The following ZFPM1 variants were observed in gnomAD, a reference collection of about 807,000 sequenced individuals.
ZFPM1 encodes the protein zinc finger protein ZFPM1.
ZFPM1 carries 28 observed loss-of-function variants against 46.3 expected under a neutral mutation model. That is an observed-to-expected ratio of 0.60 (90% CI 0.45 to 0.83). The LOEUF (loss-of-function observed/expected upper bound fraction) is 0.83, where lower values mean the gene tolerates loss of function less well. Ranked by LOEUF, ZFPM1 falls within the 40% of genes least tolerant of loss-of-function variation. The pLI is 0.00. For missense variants in ZFPM1, 1,878 were observed against 1,432.4 expected, an observed-to-expected ratio of 1.31 and a Z score of -5.02; for synonymous variants, 957 against 675.9, an observed-to-expected ratio of 1.42 and a Z score of -6.45.
chr16:88,462,542 G>T (rs888841551), intron 1 of ZFPM1, among the ~76,000 whole-genome samples: 5 of 152,214 alleles, frequency 3.3e-5, no homozygotes, highest in Non-Finnish European at 7.3e-5. Context: ...CCTAGGACCT[G>T]CATGGCTGCC....
Position 88,534,067 on chromosome 16 carries a change from G to T in ZFPM1, c.2109G>T (p.Arg703=). The T allele has an allele frequency of 7.9e-7, 1 of 1,263,726 alleles. No individual in the cohort carries two copies. The highest frequency in any genetic ancestry group is 1.3e-5 in the South Asian group (1 of 74,606). 78.3% of individuals were successfully genotyped at this position (1,263,726 alleles called of 1,614,324 possible). The change falls in exon 10 of 10, where the codon CGG becomes CGT. Residue 703 remains arginine, a synonymous_variant. Coordinates refer to ENST00000319555, the MANE Select transcript of ZFPM1 (RefSeq NM_153813.3). ...SRHETYTVHK[R]YYCASRHDPP... is the part of the protein sequence containing the mutation. ...ACGAGACCTACACCGTGCACAAGCG[G>T]TACTACTGCGCCTCGCGCCACGACC...
intron 2 of ZFPM1, among the ~76,000 whole-genome samples, chr16:88,486,784 G>C (rs1367885538): frequency 6.7e-6 from 1 of 149,650 alleles, no homozygotes; most frequent in Non-Finnish European, 1.5e-5. Context: ...GCAAGTGGGT[G>C]CTGGGTGCAC....
At position 88,524,992 on chromosome 16, in the gene ZFPM1, C is replaced by T. The variant is rs1240868411; in HGVS notation, c.403-1822C>T. 3.3e-5 allele frequency among the ~76,000 whole-genome samples: 5 copies of T among 152,364 alleles called. No homozygotes were observed. In the South Asian group the frequency reaches 8.3e-4, roughly 25 times the overall value. On this transcript the variant is annotated intron_variant, in intron 4 of 9. Coordinates refer to ENST00000319555, the MANE Select transcript of ZFPM1 (RefSeq NM_153813.3). Reference sequence around the variant, plus strand: ...CTGCTCACCCGTTCTGTGGCTGAGCCGTGTGGTAGCAGGCAGGTGACGTGG... The same window carrying T: ...CTGCTCACCCGTTCTGTGGCTGAGCTGTGTGGTAGCAGGCAGGTGACGTGG...
chr16:88,455,713 C>G (rs1043334248), intron 1 of ZFPM1, among the ~76,000 whole-genome samples: 3 of 152,160 alleles, frequency 2.0e-5, no homozygotes, highest in Non-Finnish European at 4.4e-5. Flanking sequence ...AGATGTGCCG[C>G]GCTGATAAGG....
Position 88,534,715 on chromosome 16 carries a change from C to T in ZFPM1, c.2757C>T (p.Asp919=), listed in dbSNP as rs1163535092. 3.0e-5 allele frequency: 29 copies of T among 981,646 alleles called. No individual in the cohort carries two copies. Among genetic ancestry groups the T allele is most frequent in the African/African-American group, 5.3e-5 (3 of 56,332 alleles). 60.8% of individuals were successfully genotyped at this position (981,646 alleles called of 1,614,324 possible). Residue 919 remains aspartate, a synonymous_variant, in exon 10 of 10, where the codon GAC becomes GAT. Transcript: ENST00000319555. ...AGCCCGGGTCCCGTGGCCCCCGGGACGGCCTCGGCCCGGAGCCCCAGGAGC... is the reference window on the plus strand; with the variant it reads ...AGCCCGGGTCCCGTGGCCCCCGGGATGGCCTCGGCCCGGAGCCCCAGGAGC... ...SPQPGSRGPR[D]GLGPEPQEPP...
chr16:88,454,200 G>A lies in ZFPM1; in HGVS notation c.40+522G>A, dbSNP rs1907430556. On this transcript the variant is annotated intron_variant, in intron 1 of 9. Transcript: ENST00000319555. ...ACACCCGGGGCCGCGGAGATGCCTGGCCAAGTGGCAGGCACCGGCCCGCGC... is the reference window on the plus strand; with the variant it reads ...ACACCCGGGGCCGCGGAGATGCCTGACCAAGTGGCAGGCACCGGCCCGCGC... 2.0e-5 allele frequency among the ~76,000 whole-genome samples: 3 copies of A among 152,044 alleles called. No homozygotes were observed. The South Asian group carries it at 6.2e-4, about 32-fold the overall frequency.
chr16:88,475,540 G>T, intron 1 of ZFPM1, among the ~76,000 whole-genome samples: 1 of 151,838 alleles, frequency 6.6e-6, no homozygotes, highest in South Asian at 2.1e-4. Flanking sequence ...CCAAGAAAAA[G>T]GGAGGAGGAG....
chr16:88,534,705 G>A lies in ZFPM1; in HGVS notation c.2747G>A (p.Gly916Asp). The change falls in exon 10 of 10, where the codon GGC becomes GAC. Residue 916 changes from glycine to aspartate, a missense_variant. Coordinates refer to ENST00000319555, the MANE Select transcript of ZFPM1 (RefSeq NM_153813.3). ...PAASPQPGSR[G>D]PRDGLGPEPQ... is the part of the protein sequence containing the mutation. ...GCCTCCCCGCAGCCCGGGTCCCGTG[G>A]CCCCCGGGACGGCCTCGGCCCGGAG... The A allele has an allele frequency of 3.0e-6, 3 of 983,680 alleles. No individual in the cohort carries two copies. The highest frequency in any genetic ancestry group is 3.6e-6 in the Non-Finnish European group (3 of 830,068). 60.9% of individuals were successfully genotyped at this position (983,680 alleles called of 1,614,324 possible).
intron 2 of ZFPM1, among the ~76,000 whole-genome samples, chr16:88,487,115 C>T (rs1303853854): frequency 6.6e-6 from 1 of 152,194 alleles, no homozygotes; most frequent in East Asian, 1.9e-4. Flanking sequence ...GTTAACCTGC[C>T]ATAAGGAGGC....
intron 4 of ZFPM1, 28 bp downstream of exon 4, chr16:88,514,548 C>A: frequency 1.3e-6 from 2 of 1,540,750 alleles, no homozygotes; most frequent in African/African-American, 2.7e-5. Context: ...CCGCCCCTGC[C>A]CGCCCACCCC....
intron 4 of ZFPM1, among the ~76,000 whole-genome samples, chr16:88,519,975 T>A (rs1597273719): frequency 7.7e-6 from 1 of 129,766 alleles, no homozygotes. Flanking sequence ...GGATGGATAG[T>A]GGGTAGGTGG....
intron 1 of ZFPM1, among the ~76,000 whole-genome samples, chr16:88,461,230 G>T (rs1301534809): frequency 7.5e-6 from 1 of 133,090 alleles, no homozygotes. Flanking sequence ...GCCTGGTGAG[G>T]ACCCAGGGGT....
chr16:88,532,972 G>T (rs751038582), intron 9 of ZFPM1, 37 bp downstream of exon 9: 9 of 1,610,264 alleles, frequency 5.6e-6, no homozygotes, highest in African/African-American at 1.3e-5. Context: ...TGCCCCTTAG[G>T]CCCCCTGAGC....
chr16:88,486,466 G>T (rs1476433521), intron 2 of ZFPM1, among the ~76,000 whole-genome samples: 1 of 152,154 alleles, frequency 6.6e-6, no homozygotes, highest in Non-Finnish European at 1.5e-5. Flanking sequence ...GTGGGTGCTG[G>T]GTGCAAGTGG....
chr16:88,502,615 C>T (rs12447698), intron 3 of ZFPM1, among the ~76,000 whole-genome samples: 14,367 of 152,226 alleles, frequency 0.094, 1,029 homozygotes, highest in African/African-American at 0.19. Flanking sequence ...CCTTGGTGAC[C>T]CCCCCTAGCC....
At chr16:88,475,815 C>G (rs1327020812) in intron 1 of ZFPM1, among the ~76,000 whole-genome samples, 3 of 152,196 alleles carry the variant, frequency 2.0e-5, no homozygotes, top group Non-Finnish European at 2.9e-5. Context: ...GCAGCCGATG[C>G]TGCCTGGGAC....
Position 88,534,231 on chromosome 16 carries a change from C to T in ZFPM1, c.2273C>T (p.Pro758Leu). ...ELHAAGAPPP[P>L]PPGHAPAPES... The stretch of plus-strand genomic sequence containing the variant: ...CACGCGGCCGGCGCCCCGCCCCCCC[C>T]GCCGCCCGGCCACGCCCCCGCGCCC... Residue 758 changes from proline (P) to leucine (L), a missense_variant, in exon 10 of 10, where the codon CCG (proline) becomes CTG (leucine). Coordinates refer to ENST00000319555, the MANE Select transcript of ZFPM1 (RefSeq NM_153813.3). The T allele has an allele frequency of 1.0e-6, 1 of 987,418 alleles. No individual in the cohort carries two copies. Among genetic ancestry groups the T allele is most frequent in the African/African-American group, 1.8e-5 (1 of 56,694 alleles). The allele number at this position is 987,418 out of a possible 1,614,324, so 61.2% of individuals were successfully genotyped here. A position where few individuals can be genotyped will look rare whatever the true frequency, so the allele number is the denominator to read the frequency against.
At position 88,514,549 on chromosome 16, in the gene ZFPM1, C is replaced by G. The variant is rs375074202; in HGVS notation, c.402+29C>G. The G allele has an allele frequency of 1.2e-5, 19 of 1,540,606 alleles. No homozygotes were observed. In the South Asian group the frequency reaches 1.4e-4, roughly 12 times the overall value. Reference sequence around the variant, plus strand: ...AGAAGCCCCCATCCCCGCCCCTGCCCGCCCACCCCAATGCAGGGCAACATG... The same window carrying G: ...AGAAGCCCCCATCCCCGCCCCTGCCGGCCCACCCCAATGCAGGGCAACATG... On this transcript the variant is annotated intron_variant, in intron 4 of 9. Coordinates refer to ENST00000319555, the MANE Select transcript of ZFPM1 (RefSeq NM_153813.3).
rs1913021102 is a variant in ZFPM1 at position 88,533,846 on chromosome 16, G to A, written c.1888G>A (p.Ala630Thr). Residue 630 changes from alanine to threonine, a missense_variant, in exon 10 of 10, where the codon GCC becomes ACC. Physicochemically the swap from Ala to Thr is moderately conservative, Grantham distance 58 (BLOSUM62 0). Coordinates refer to ENST00000319555, the MANE Select transcript of ZFPM1 (RefSeq NM_153813.3). ...GGCCCGCGCGCCCCCCGGCCAGCCC[G>A]CCGAACCCGACGCGCCGCGCTCGTC... is the stretch of plus-strand genomic sequence containing the variant. ...GPARAPPGQP[A>T]EPDAPRSSPG... 5 of 983,604 alleles carry A rather than the reference G, an allele frequency of 5.1e-6. No homozygotes were observed. The South Asian group carries it at 2.3e-4, about 45-fold the overall frequency. 60.9% of individuals were successfully genotyped at this position (983,604 alleles called of 1,614,324 possible).
Sources: gnomAD v4.1 joint callset for allele counts (sites outside exome capture counted in the v4.1 genomes callset) on GRCh38, gnomAD v4.1.1 for gene constraint, MANE v1.5 for transcripts, NCBI Gene and HGNC (gene_info 2026-07-23, HGNC 2026-07-21) for gene names.